Variants in MGAT4C observed in about 807,000 individuals in gnomAD.
The protein encoded by MGAT4C is alpha-1,3-mannosyl-glycoprotein 4-beta-N-acetylglucosaminyltransferase C.
MGAT4C carries 19 observed loss-of-function variants against 40.1 expected under a neutral mutation model. The ratio of observed to expected loss-of-function variants is 0.47; its 90% CI spans 0.33 to 0.70. The LOEUF is 0.70. Among genes scored for constraint, MGAT4C ranks in the 30% least tolerant of loss-of-function variants. The probability of loss-of-function intolerance (pLI) is 0.02; values close to 1 mark genes in which losing one functional copy is unlikely to be tolerated. For missense variants in MGAT4C, 491 were observed against 563.2 expected (o/e 0.87, Z 1.30); for synonymous variants, 181 against 187.1 (o/e 0.97, Z 0.27).
At chr12:86,109,459 A>G (rs1592961755) in intron 1 of MGAT4C, among the ~76,000 whole-genome samples, 1 of 152,134 alleles carries the variant, frequency 6.6e-6, no homozygotes, top group East Asian at 1.9e-4. Context: ...ATTCTTATCA[A>G]TGCTATCTAT....
At chr12:86,276,498 A>T (rs1354286184) in intron 4 of MGAT4C, among the ~76,000 whole-genome samples, 1 of 152,184 alleles carries the variant, frequency 6.6e-6, no homozygotes, top group African/African-American at 2.4e-5. Context: ...TGTGGTATCA[A>T]ATAGTAGAAG....
chr12:86,559,624 A>G (rs1959771551), intron 2 of MGAT4C, among the ~76,000 whole-genome samples: 1 of 151,992 alleles, frequency 6.6e-6, no homozygotes, highest in Non-Finnish European at 1.5e-5. Flanking sequence ...AACACAGCAT[A>G]CCAAAAACCT....
intron 2 of MGAT4C, among the ~76,000 whole-genome samples, chr12:86,499,446 C>T (rs1170849572): frequency 6.6e-6 from 1 of 151,588 alleles, no homozygotes; most frequent in East Asian, 1.9e-4. Flanking sequence ...GATGGGAGAA[C>T]CTGTTTCAAA....
At chr12:86,201,796 G>C (rs1950061579) in intron 1 of MGAT4C, among the ~76,000 whole-genome samples, 2 of 151,866 alleles carry the variant, frequency 1.3e-5, no homozygotes, top group Non-Finnish European at 2.9e-5. Context: ...AAAACTATTT[G>C]TCTTGCCATA....
At position 86,216,479 on chromosome 12, in the gene MGAT4C, G is replaced by T. The variant is rs181063543; in HGVS notation, c.-57+39760C>A. 2.6e-3 allele frequency among the ~76,000 whole-genome samples: 399 copies of T among 152,228 alleles called. 1 individual carries two copies. Among genetic ancestry groups the T allele is most frequent in the Non-Finnish European group, 4.8e-3 (329 of 68,008 alleles). ...CCAGTAAAACAATTTGGATCTAGAA[G>T]TTTTTTAAGAAATTAGTGGGTTATG... is the stretch of plus-strand genomic sequence containing the variant. On this transcript the variant is annotated intron_variant, in intron 1 of 4. Transcript: ENST00000611864.
At chr12:86,119,581 G>GT (rs1879022657) in intron 1 of MGAT4C, among the ~76,000 whole-genome samples, 1 of 151,748 alleles carries the variant, frequency 6.6e-6, no homozygotes, top group African/African-American at 2.4e-5. Context: ...CTAATTTTTT[G>GT]TATTTTTAGT....
chr12:86,563,985 G>A (rs2136412490), intron 2 of MGAT4C, among the ~76,000 whole-genome samples: 1 of 152,256 alleles, frequency 6.6e-6, no homozygotes, highest in South Asian at 2.1e-4. Context: ...AAGGCCAAAT[G>A]GAATCCAGTA....
At chr12:86,264,330 T>G (rs573815050) in intron 4 of MGAT4C, among the ~76,000 whole-genome samples, 232 of 152,352 alleles carry the variant, frequency 1.5e-3, no homozygotes, top group African/African-American at 5.3e-3. Context: ...GTCTTTGATA[T>G]ATTTTTAATT....
At chr12:86,730,166 C>G in intron 1 of MGAT4C, among the ~76,000 whole-genome samples, 1 of 151,474 alleles carries the variant, frequency 6.6e-6, no homozygotes, top group East Asian at 1.9e-4. Flanking sequence ...ATAAATAAAA[C>G]AAAATATTTG....
chr12:85,979,516 C>T lies in MGAT4C; in HGVS notation c.1210G>A (p.Asp404Asn), dbSNP rs1222715246. Residue 404 changes from aspartate to asparagine, a missense_variant, in exon 5 of 5, where the codon GAT becomes AAT. Coordinates refer to ENST00000611864, the MANE Select transcript of MGAT4C (RefSeq NM_001351288.2). Reference protein sequence around the residue: ...VNTGTEDRQNDILHHGALDVG... With the variant: ...VNTGTEDRQNNILHHGALDVG... ...TCTAGGGCTCCATGATGCAAAATAT[C>T]ATTTTGCCGATCTTCTGTTCCAGTA... 6.2e-7 allele frequency: 1 copy of T among 1,611,686 alleles called. No homozygotes were observed. Among genetic ancestry groups the T allele is most frequent in the Non-Finnish European group, 8.5e-7 (1 of 1,178,250 alleles).
chr12:85,985,891 G>A (rs998742715), intron 3 of MGAT4C, among the ~76,000 whole-genome samples: 23 of 152,102 alleles, frequency 1.5e-4, no homozygotes, highest in African/African-American at 5.1e-4. Context: ...TCTGTAAAAA[G>A]TACAGTAATT....
chr12:86,585,004 T>C (rs1239464038), intron 2 of MGAT4C, among the ~76,000 whole-genome samples: 1 of 151,448 alleles, frequency 6.6e-6, no homozygotes, highest in Non-Finnish European at 1.5e-5. Context: ...GTGAAAATTT[T>C]TGTTCTACAT....
intron 3 of MGAT4C, among the ~76,000 whole-genome samples, chr12:86,400,208 T>C (rs75779558): frequency 1.3e-5 from 2 of 152,336 alleles, no homozygotes; most frequent in East Asian, 3.9e-4. Context: ...GTGGTTGTGG[T>C]GTGAGAACAG....
At chr12:86,612,455 A>G (rs1348243674) in intron 2 of MGAT4C, among the ~76,000 whole-genome samples, 2 of 152,122 alleles carry the variant, frequency 1.3e-5, no homozygotes, top group African/African-American at 4.8e-5. Context: ...AGACAATTTA[A>G]AAAGTAGATG....
At chr12:86,291,037 T>C (rs541912072) in intron 4 of MGAT4C, among the ~76,000 whole-genome samples, 2 of 152,290 alleles carry the variant, frequency 1.3e-5, no homozygotes, top group South Asian at 2.1e-4. Flanking sequence ...ATCATATTTG[T>C]GCCAAAGATC....
chr12:86,616,383 C>T (rs956900235), intron 2 of MGAT4C, among the ~76,000 whole-genome samples: 1 of 151,964 alleles, frequency 6.6e-6, no homozygotes, highest in African/African-American at 2.4e-5. Flanking sequence ...TTGTTAAAAG[C>T]AATAGCAGAA....
At chr12:86,392,531 T>C (rs1376798087) in intron 3 of MGAT4C, among the ~76,000 whole-genome samples, 1 of 151,946 alleles carries the variant, frequency 6.6e-6, no homozygotes, top group Non-Finnish European at 1.5e-5. Flanking sequence ...CAATGAGTAA[T>C]AAGTGCTCCA....
At chr12:86,733,199 C>T (rs1012543886) in intron 1 of MGAT4C, among the ~76,000 whole-genome samples, 12 of 151,996 alleles carry the variant, frequency 7.9e-5, no homozygotes, top group African/African-American at 2.9e-4. Context: ...TTTCTGCTAT[C>T]ATTGAGAAGT....
At chr12:86,084,987 C>T (rs967471593) in intron 1 of MGAT4C, among the ~76,000 whole-genome samples, 3 of 151,834 alleles carry the variant, frequency 2.0e-5, no homozygotes, top group African/African-American at 4.8e-5. Flanking sequence ...GTCTGATAGA[C>T]GTTGGTTAAG....
Sources: allele counts gnomAD v4.1 joint callset (sites outside exome capture counted in the v4.1 genomes callset), GRCh38; gene constraint gnomAD v4.1.1; transcripts MANE v1.5; gene names NCBI Gene and HGNC (gene_info 2026-07-23, HGNC 2026-07-21).